The following PTPRM variants were observed in gnomAD, a reference collection of about 807,000 sequenced individuals.
PTPRM encodes protein tyrosine phosphatase receptor type M.
Under a neutral mutation model 186.7 loss-of-function variants are expected in PTPRM, and 47 were observed. That is an observed-to-expected ratio of 0.25 (90% CI 0.20 to 0.32). The LOEUF (loss-of-function observed/expected upper bound fraction) is 0.32. Among genes scored for constraint, PTPRM ranks in the 10% least tolerant of loss-of-function variants. PTPRM has a pLI of 1.00. For synonymous variants in PTPRM, 668 were observed against 674.9 expected, an observed-to-expected ratio of 0.99 and a Z score of 0.16; for missense variants, 1,494 against 1,865.0, an observed-to-expected ratio of 0.80 and a Z score of 3.66.
rs566680185 is a variant in PTPRM, at chr18:8,199,442, G to A, written c.2301-44616G>A. Among the ~76,000 whole-genome samples, 6 of 152,264 alleles carry A rather than the reference G, an allele frequency of 3.9e-5. No homozygotes were observed. In the East Asian group the frequency reaches 5.8e-4, roughly 15 times the overall value. ...GAATAACATTGCAAAAGGATAGTGC[G>A]CTGTGTCTGCCGGTCAGCAGAGCTC... On this transcript the variant is annotated intron_variant, in intron 14 of 32. Transcript: ENST00000580170.
chr18:7,972,275 C>T (rs2054578952), intron 7 of PTPRM, among the ~76,000 whole-genome samples: 1 of 122,468 alleles, frequency 8.2e-6, no homozygotes, highest in Non-Finnish European at 1.6e-5. Flanking sequence ...ATCACATGGA[C>T]ACAGGAAGGG....
At chr18:7,686,206 A>C (rs562963248) in intron 1 of PTPRM, among the ~76,000 whole-genome samples, 174 of 152,206 alleles carry the variant, frequency 1.1e-3, no homozygotes, top group Non-Finnish European at 2.0e-3. Flanking sequence ...CACCTGATGG[A>C]GGGATAAATC....
intron 1 of PTPRM, among the ~76,000 whole-genome samples, chr18:7,625,085 A>G (rs1318121290): frequency 6.6e-6 from 1 of 152,228 alleles, no homozygotes; most frequent in Non-Finnish European, 1.5e-5. Flanking sequence ...AAATGCACCT[A>G]TAGTGGTCAG....
At chr18:8,341,295 C>T (rs1398991824) in intron 22 of PTPRM, among the ~76,000 whole-genome samples, 2 of 152,164 alleles carry the variant, frequency 1.3e-5, no homozygotes, top group African/African-American at 2.4e-5. Context: ...ATATGGTTTA[C>T]ACACATGCAT....
At chr18:7,947,083 G>A (rs1193971018) in intron 5 of PTPRM, 1 of 450,168 alleles carries the variant, frequency 2.2e-6, no homozygotes, top group South Asian at 1.6e-5. Context: ...GGATTAGCAA[G>A]CCCATTGTTC....
At chr18:8,383,222 C>G (rs995153527) in intron 29 of PTPRM, among the ~76,000 whole-genome samples, 5 of 130,066 alleles carry the variant, frequency 3.8e-5, no homozygotes, top group Admixed American at 2.8e-4. Context: ...CGCTTGAACC[C>G]GGGGGGCGGA....
rs1032900934 is a variant in PTPRM at position 7,568,232 on chromosome 18, A to G, written c.73+341A>G. Among the ~76,000 whole-genome samples, 20 of 151,966 alleles carry G rather than the reference A, an allele frequency of 1.3e-4. No homozygotes were observed. The highest frequency in any genetic ancestry group is 2.8e-4 in the Non-Finnish European group (19 of 67,908). On this transcript the variant is annotated intron_variant, in intron 1 of 32. Transcript: ENST00000580170. This position sits in a 1 kb window ranked among gnomAD's most constrained non-coding sequence, Gnocchi z 5.1. ...CCTGGCCGGCTGCAAAAGGAACAGC[A>G]GAAAACTTTGCTTGAAGTTCCCAGT...
At chr18:8,033,359 A>G (rs904737877) in intron 7 of PTPRM, among the ~76,000 whole-genome samples, 4 of 152,198 alleles carry the variant, frequency 2.6e-5, no homozygotes, top group African/African-American at 9.7e-5. Flanking sequence ...CACTATATGT[A>G]TAGACACTAT....
At chr18:8,019,933 A>G (rs2085106848) in intron 7 of PTPRM, among the ~76,000 whole-genome samples, 1 of 151,606 alleles carries the variant, frequency 6.6e-6, no homozygotes, top group African/African-American at 2.4e-5. Context: ...TAACTTAGGA[A>G]AAGATCCTCC....
chr18:8,014,893 A>G (rs61995738), intron 7 of PTPRM, among the ~76,000 whole-genome samples: 91 of 152,140 alleles, frequency 6.0e-4, no homozygotes, highest in Non-Finnish European at 1.3e-3. Flanking sequence ...GAGATTGTCA[A>G]TTACAGAATT....
intron 11 of PTPRM, among the ~76,000 whole-genome samples, chr18:8,103,994 C>T (rs1321346505): frequency 6.6e-6 from 1 of 152,102 alleles, no homozygotes; most frequent in Non-Finnish European, 1.5e-5. Flanking sequence ...AGAGAGATGG[C>T]TGTCTTATAT....
chr18:7,712,506 A>G (rs1415232783), intron 1 of PTPRM, among the ~76,000 whole-genome samples: 2 of 152,050 alleles, frequency 1.3e-5, no homozygotes, highest in South Asian at 2.1e-4. Context: ...ACAAAACTGG[A>G]TGGAGAATGA....
chr18:7,710,948 A>G (rs1290257719), intron 1 of PTPRM, among the ~76,000 whole-genome samples: 1 of 152,188 alleles, frequency 6.6e-6, no homozygotes, highest in Non-Finnish European at 1.5e-5. Flanking sequence ...GGGTAGAACC[A>G]ATATTGTGAA....
intron 1 of PTPRM, among the ~76,000 whole-genome samples, chr18:7,603,097 T>G (rs2037447948): frequency 6.6e-6 from 1 of 151,766 alleles, no homozygotes; most frequent in Admixed American, 6.6e-5. Context: ...CTGGCTAATT[T>G]TTTTGTATTT....
At chr18:8,242,872 C>G (rs1465056729) in intron 14 of PTPRM, among the ~76,000 whole-genome samples, 1 of 152,184 alleles carries the variant, frequency 6.6e-6, no homozygotes, top group East Asian at 1.9e-4. Flanking sequence ...ATTTTAAATT[C>G]TGTGTCCTAG....
intron 31 of PTPRM, among the ~76,000 whole-genome samples, chr18:8,387,929 T>C (rs1445457244): frequency 1.5e-5 from 2 of 132,706 alleles, no homozygotes; most frequent in African/African-American, 2.7e-5. Flanking sequence ...TGAGAATTAT[T>C]TGGGGAGCTT....
chr18:7,832,925 C>G (rs959570585), intron 2 of PTPRM, among the ~76,000 whole-genome samples: 2 of 152,050 alleles, frequency 1.3e-5, no homozygotes, highest in Non-Finnish European at 2.9e-5. Context: ...AATGAGTATA[C>G]TGTAGGTCTG....
chr18:7,625,840 G>T (rs1473642355), intron 1 of PTPRM, among the ~76,000 whole-genome samples: 1 of 152,172 alleles, frequency 6.6e-6, no homozygotes, highest in Non-Finnish European at 1.5e-5. Flanking sequence ...TGGCCAAGGG[G>T]GTTTGTTCAT....
At chr18:8,016,037 T>C (rs1306918156) in intron 7 of PTPRM, among the ~76,000 whole-genome samples, 1 of 152,078 alleles carries the variant, frequency 6.6e-6, no homozygotes, top group Non-Finnish European at 1.5e-5. Context: ...TGAAATGAAA[T>C]TTTGGAATGA....
Sources: gnomAD v4.1 joint callset for allele counts (sites outside exome capture counted in the v4.1 genomes callset) on GRCh38, gnomAD v4.1.1 for gene constraint, Gnocchi (gnomAD v3.1) non-coding constraint, MANE v1.5 for transcripts, NCBI Gene and HGNC (gene_info 2026-07-23, HGNC 2026-07-21) for gene names.